Variants in NAV3 observed in about 807,000 individuals in gnomAD.
The protein encoded by NAV3 is neuron navigator 3, also known as pore membrane and/or filament interacting like protein 1.
In NAV3, 87 loss-of-function variants were observed where a neutral mutation model predicts 244.7. The observed-to-expected ratio is 0.36, with a 90% confidence interval of 0.30 to 0.42. The LOEUF is 0.42. Among genes scored for constraint, NAV3 ranks in the 20% least tolerant of loss-of-function variants. NAV3 has a pLI of 1.00. For synonymous variants in NAV3, 1,126 were observed against 1,042.2 expected (o/e 1.08, Z -1.55); for missense variants, 2,663 against 2,893.3 (o/e 0.92, Z 1.83).
chr12:78,186,181 C>A (rs1166064634), intron 31 of NAV3, among the ~76,000 whole-genome samples: 1 of 151,740 alleles, frequency 6.6e-6, no homozygotes, highest in Non-Finnish European at 1.5e-5. Context: ...AAGCAAGGTC[C>A]TAGATGACCA....
intron 8 of NAV3, among the ~76,000 whole-genome samples, chr12:78,013,420 C>A (rs539673866): frequency 6.6e-6 from 1 of 151,990 alleles, no homozygotes; most frequent in South Asian, 2.1e-4. Flanking sequence ...TGAACTGAGT[C>A]CAGAAAGATA....
chr12:77,857,827 C>A (rs1753954961), intron 1 of NAV3, among the ~76,000 whole-genome samples: 1 of 151,664 alleles, frequency 6.6e-6, no homozygotes. Flanking sequence ...CTGAACCCCC[C>A]CAAACACATT....
intron 1 of NAV3, among the ~76,000 whole-genome samples, chr12:77,851,424 C>T (rs1262727669): frequency 6.6e-6 from 1 of 152,120 alleles, no homozygotes; most frequent in Non-Finnish European, 1.5e-5. Flanking sequence ...GCTGTGGTAA[C>T]CAAGATTTTG....
intron 22 of NAV3, among the ~76,000 whole-genome samples, chr12:78,154,310 A>AC (rs1957207096): frequency 1.5e-5 from 1 of 65,570 alleles, no homozygotes; most frequent in African/African-American, 4.9e-5. Context: ...TATATAATAT[A>AC]TAGTATATAT....
chr12:77,859,852 T>A (rs964007538), intron 1 of NAV3, among the ~76,000 whole-genome samples: 2 of 151,420 alleles, frequency 1.3e-5, no homozygotes, highest in African/African-American at 2.4e-5. Context: ...AATTTTGCCC[T>A]GAATTTGAAC....
chr12:77,588,135 T>C (rs1237002830), intron 2 of NAV3, among the ~76,000 whole-genome samples: 9 of 151,996 alleles, frequency 5.9e-5, no homozygotes, highest in Non-Finnish European at 1.3e-4. Context: ...TCTATTTTGT[T>C]GAGATGAGGT....
chr12:77,751,773 G>T (rs1868869416), intron 2 of NAV3, among the ~76,000 whole-genome samples: 1 of 152,030 alleles, frequency 6.6e-6, no homozygotes, highest in African/African-American at 2.4e-5. Flanking sequence ...TATACATTTT[G>T]TATTCTTAAA....
At chr12:77,860,211 A>G (rs1164667550) in intron 1 of NAV3, among the ~76,000 whole-genome samples, 1 of 151,654 alleles carries the variant, frequency 6.6e-6, no homozygotes, top group Non-Finnish European at 1.5e-5. Flanking sequence ...TAAGAAAATG[A>G]TAACAGTGAT....
At chr12:77,861,307 C>T (rs61937400) in intron 1 of NAV3, among the ~76,000 whole-genome samples, 63,491 of 151,452 alleles carry the variant, frequency 0.42, 14,354 homozygotes, top group Non-Finnish European at 0.5. Context: ...CAAACTTGAC[C>T]AGAAGTTTTG....
intron 2 of NAV3, among the ~76,000 whole-genome samples, chr12:77,798,761 G>C (rs748779271): frequency 2.6e-5 from 4 of 152,156 alleles, no homozygotes; most frequent in African/African-American, 4.8e-5. Flanking sequence ...ATTAGGCTTT[G>C]TTTGTTACTG....
At chr12:77,760,470 T>C (rs760594244) in intron 2 of NAV3, among the ~76,000 whole-genome samples, 1 of 152,190 alleles carries the variant, frequency 6.6e-6, no homozygotes. Flanking sequence ...ATTTTGGCTA[T>C]TGTTTAGTGT....
At chr12:77,889,549 CAAT>C (rs1883692980) in intron 1 of NAV3, among the ~76,000 whole-genome samples, 1 of 152,122 alleles carries the variant, frequency 6.6e-6, no homozygotes, top group Admixed American at 6.5e-5. Flanking sequence ...TAAGTTAATT[CAAT>C]AATAACTCAG....
intron 2 of NAV3, among the ~76,000 whole-genome samples, chr12:77,789,224 G>T (rs1347384227): frequency 6.6e-6 from 1 of 152,100 alleles, no homozygotes; most frequent in African/African-American, 2.4e-5. Flanking sequence ...TTCCTTGAAT[G>T]CATGTCTGAT....
intron 1 of NAV3, among the ~76,000 whole-genome samples, chr12:77,907,172 C>G (rs1209422671): frequency 2.0e-5 from 3 of 152,168 alleles, no homozygotes; most frequent in Non-Finnish European, 4.4e-5. Flanking sequence ...AAATCAAAGT[C>G]TCTTACATAA....
intron 2 of NAV3, among the ~76,000 whole-genome samples, chr12:77,631,104 T>C (rs1445692286): frequency 1.3e-5 from 2 of 152,224 alleles, no homozygotes; most frequent in Non-Finnish European, 2.9e-5. Flanking sequence ...GATGTAAGCA[T>C]GTCAAGTTTA....
intron 12 of NAV3, among the ~76,000 whole-genome samples, chr12:78,096,163 A>G (rs772882570): frequency 2.0e-5 from 3 of 152,200 alleles, no homozygotes; most frequent in Non-Finnish European, 2.9e-5. Flanking sequence ...TGATGAATCA[A>G]CACCTCATAG....
intron 5 of NAV3, among the ~76,000 whole-genome samples, chr12:77,971,658 T>G (rs1893008241): frequency 6.6e-6 from 1 of 152,106 alleles, no homozygotes; most frequent in African/African-American, 2.4e-5. Flanking sequence ...GACAAATTTA[T>G]CTTCATTTGC....
At position 77,884,214 on chromosome 12, in the gene NAV3, G is replaced by A. The variant is rs112524799; in HGVS notation, c.243+52510G>A. On this transcript the variant is annotated intron_variant, in intron 1 of 39. Transcript: ENST00000397909. ...GAACCAGTAGAATTGATGGATGGACGGAGGGAAGGAGGGAGGGAATGATGG... is the reference window on the plus strand; with the variant it reads ...GAACCAGTAGAATTGATGGATGGACAGAGGGAAGGAGGGAGGGAATGATGG... Among the ~76,000 whole-genome samples, 683 of 152,204 alleles carry A rather than the reference G, an allele frequency of 4.5e-3. 5 individuals are homozygous for A. The highest frequency in any genetic ancestry group is 0.015 in the African/African-American group (642 of 41,538).
chr12:77,779,532 G>A (rs1870559048), intron 2 of NAV3, among the ~76,000 whole-genome samples: 1 of 151,970 alleles, frequency 6.6e-6, no homozygotes, highest in Non-Finnish European at 1.5e-5. Context: ...CAAACACATG[G>A]GGCTATGCAT....
Sources: gnomAD v4.1 joint callset for allele counts (sites outside exome capture counted in the v4.1 genomes callset) on GRCh38, gnomAD v4.1.1 for gene constraint, MANE v1.5 for transcripts, NCBI Gene and HGNC (gene_info 2026-07-23, HGNC 2026-07-21) for gene names.